The following USP50 variants were observed in gnomAD, a reference collection of about 807,000 sequenced individuals.
The protein encoded by USP50 is ubiquitin carboxyl-terminal hydrolase 50.
USP50 carries 37 observed loss-of-function variants against 39.2 expected under a neutral mutation model. The observed-to-expected ratio is 0.94, with a 90% confidence interval of 0.73 to 1.24. USP50 has a LOEUF of 1.24. Among genes scored for constraint, USP50 ranks in the 50% most tolerant of loss-of-function variants. The pLI is 0.00. For synonymous variants in USP50, 139 were observed against 144.5 expected, an observed-to-expected ratio of 0.96 and a Z score of 0.27; for missense variants, 374 against 398.2, an observed-to-expected ratio of 0.94 and a Z score of 0.52.
At chr15:50,528,186 C>T (rs2052914079) in intron 6 of USP50, among the ~76,000 whole-genome samples, 1 of 151,174 alleles carries the variant, frequency 6.6e-6, no homozygotes, top group Non-Finnish European at 1.5e-5. Flanking sequence ...GGATTACAGG[C>T]GTGAGCCACT....
intron 6 of USP50, chr15:50,510,444 G>T (rs1032924656): frequency 3.3e-5 from 5 of 151,686 alleles, no homozygotes; most frequent in Non-Finnish European, 7.4e-5. Flanking sequence ...ATTTTGGATG[G>T]ATTCTGGTCT....
At chr15:50,538,247 A>G (rs1204827176) in intron 5 of USP50, among the ~76,000 whole-genome samples, 25 of 139,934 alleles carry the variant, frequency 1.8e-4, no homozygotes, top group African/African-American at 7.0e-4. Flanking sequence ...ACTGCACTCC[A>G]GCCTGGCAAC....
At chr15:50,523,475 A>G (rs2052867015) in intron 6 of USP50, among the ~76,000 whole-genome samples, 1 of 152,096 alleles carries the variant, frequency 6.6e-6, no homozygotes, top group South Asian at 2.1e-4. Context: ...ATCCGGCTAC[A>G]GTGGCATTTC....
chr15:50,538,921 G>C, intron 4 of USP50, 70 bp from the exon 5 acceptor site: 1 of 1,485,680 alleles, frequency 6.7e-7, no homozygotes, highest in East Asian at 2.3e-5. Context: ...GTTTCTATTG[G>C]AACTTTGCAA....
intron 6 of USP50, among the ~76,000 whole-genome samples, chr15:50,525,532 G>GTATA (rs2052882409): frequency 1.1e-5 from 1 of 88,922 alleles, no homozygotes; most frequent in Non-Finnish European, 2.2e-5. Flanking sequence ...ATATGTATAT[G>GTATA]TATATGTATA....
At chr15:50,519,683 C>G (rs1283568120) in intron 6 of USP50, among the ~76,000 whole-genome samples, 1 of 151,708 alleles carries the variant, frequency 6.6e-6, no homozygotes, top group Non-Finnish European at 1.5e-5. Flanking sequence ...CCACTGCAGT[C>G]CAGCCTGGGC....
In USP50 at chr15:50,544,613, G is replaced by T; in HGVS notation, c.222C>A (p.Thr74=). 1 of 1,613,444 alleles carries T rather than the reference G, an allele frequency of 6.2e-7. No homozygotes were observed. Among genetic ancestry groups the T allele is most frequent in the Non-Finnish European group, 8.5e-7 (1 of 1,179,692 alleles). ...TTTGCAGAGCGGTGATATACTTCCC[G>T]GTGAGAAAGTATTCCACCAGCGGCA... ...SILPLVEYFL[T]GKYITALQND... Residue 74 remains threonine (T), a synonymous_variant, in exon 2 of 7, where the codon ACC becomes ACA. Coordinates refer to ENST00000532404, the MANE Select transcript of USP50 (RefSeq NM_203494.5).
intron 6 of USP50, chr15:50,514,374 A>T (rs2052780371): frequency 6.6e-6 from 1 of 152,100 alleles, no homozygotes; most frequent in African/African-American, 2.4e-5. Flanking sequence ...TGGTTTGTGT[A>T]CTTTTCTGTA....
intron 5 of USP50, among the ~76,000 whole-genome samples, chr15:50,530,384 C>A (rs909668526): frequency 6.6e-6 from 1 of 151,914 alleles, no homozygotes; most frequent in African/African-American, 2.4e-5. Flanking sequence ...GGAGTTAGAA[C>A]CAGCTTGGCC....
rs528692073 is a variant in USP50 at position 50,541,408 on chromosome 15, G to A, written c.445-144C>T. On this transcript the variant is annotated intron_variant, in intron 3 of 6. Transcript: ENST00000532404. ...CACATCTGTGGTGCCAGCTACTTGG[G>A]AGGTTGAGGTTGGAGGATCAGTTGA... 4.4e-5 allele frequency: 29 copies of A among 661,550 alleles called. No homozygotes were observed. In the South Asian group the frequency reaches 5.6e-4, roughly 13 times the overall value. The allele number at this position is 661,550 out of a possible 1,614,324, so 41.0% of individuals were successfully genotyped here.
chr15:50,498,503 TTAC>T, downstream of USP50: 19 of 1,424,236 alleles, frequency 1.3e-5, no homozygotes, highest in Non-Finnish European at 1.5e-5. Context: ...GAAATGGATT[TTAC>T]AGTCCTGGCT....
chr15:50,497,443 C>G, downstream of USP50: 1 of 401,528 alleles, frequency 2.5e-6, no homozygotes, highest in Non-Finnish European at 4.3e-6. Context: ...ACCACTATTT[C>G]ATGTAATTCC....
chr15:50,496,511 G>A (rs1323075905), downstream of USP50, among the ~76,000 whole-genome samples: 1 of 148,046 alleles, frequency 6.8e-6, no homozygotes, highest in East Asian at 2.0e-4. Context: ...CCTTTTATCA[G>A]TAAAACTCAA....
At chr15:50,519,237 A>G (rs2052828222) in intron 6 of USP50, among the ~76,000 whole-genome samples, 1 of 152,146 alleles carries the variant, frequency 6.6e-6, no homozygotes, top group Admixed American at 6.6e-5. Context: ...CAGTGAGCTG[A>G]GATCACATGA....
rs548064597 is a variant in USP50, at chr15:50,514,554, T to C, written c.937-13717A>G. The C allele has an allele frequency of 3.1e-3, 465 of 152,318 alleles. 2 individuals carry two copies. Among genetic ancestry groups the C allele is most frequent in the Non-Finnish European group, 4.7e-3 (321 of 68,148 alleles). 9.4% of individuals were successfully genotyped at this position (152,318 alleles called of 1,614,324 possible). On this transcript the variant is annotated intron_variant, in intron 6 of 6. Coordinates refer to ENST00000532404, the MANE Select transcript of USP50 (RefSeq NM_203494.5). Reference sequence around the variant, plus strand: ...TCTACAATTTTTTTTCTTTTTGAGATGGGAGTCTCGCTGTGTCACCAGGCT... The same window carrying C: ...TCTACAATTTTTTTTCTTTTTGAGACGGGAGTCTCGCTGTGTCACCAGGCT...
Position 50,538,935 on chromosome 15 carries a change from C to T in USP50, c.661-84G>A, listed in dbSNP as rs116264233. On this transcript the variant is annotated intron_variant, in intron 4 of 6. Coordinates refer to ENST00000532404, the MANE Select transcript of USP50 (RefSeq NM_203494.5). ...TGTTTCTATTGGAACTTTGCAAATG[C>T]CGTGGAAATGTAGTTCTCAGTGCTT... 2.6e-3 allele frequency: 3,755 copies of T among 1,424,108 alleles called. 77 individuals are homozygous for T. The African/African-American group carries it at 0.049, about 19-fold the overall frequency. 88.2% of individuals were successfully genotyped at this position (1,424,108 alleles called of 1,614,324 possible).
rs11292495 is a variant in USP50 at position 50,542,481 on chromosome 15, A to ATTT, written c.444+1114_444+1116dup. On this transcript the variant is annotated intron_variant, in intron 3 of 6. Transcript: ENST00000532404. ...GTTTTTGTTTTTTTTTTTCCTTTTC[A>ATTT]TTTTTTTTTTTTTTTTTTTTTCTTG... 6.1e-4 allele frequency among the ~76,000 whole-genome samples: 59 copies of ATTT among 97,396 alleles called. 1 individual carries two copies. Among genetic ancestry groups the ATTT allele is most frequent in the Non-Finnish European group, 8.1e-4 (42 of 51,570 alleles). 63.9% of individuals were successfully genotyped at this position (97,396 alleles called of 152,430 possible).
intron 6 of USP50, chr15:50,513,010 A>G (rs1466805226): frequency 6.6e-6 from 1 of 152,240 alleles, no homozygotes; most frequent in African/African-American, 2.4e-5. Flanking sequence ...ATAAGAAGAA[A>G]AATAACCCAG....
rs57802702 is a variant in USP50, at chr15:50,528,065, GTT to G, written c.936+1730_936+1731del. Among the ~76,000 whole-genome samples, 103 of 128,704 alleles carry G rather than the reference GTT, an allele frequency of 8.0e-4. 1 individual carries two copies. The highest frequency in any genetic ancestry group is 3.6e-3 in the Admixed American group (45 of 12,642). The allele number at this position is 128,704 out of a possible 152,430, so 84.4% of individuals were successfully genotyped here. On this transcript the variant is annotated intron_variant, in intron 6 of 6. Transcript: ENST00000532404. ...ATAGTTTGATTACTAAAAGAACTAA[GTT>G]TTTTTTTTTTTTTTTTTTTTAGAGA...
Sources: allele counts gnomAD v4.1 joint callset (sites outside exome capture counted in the v4.1 genomes callset), GRCh38; gene constraint gnomAD v4.1.1; transcripts MANE v1.5; gene names NCBI Gene and HGNC (gene_info 2026-07-23, HGNC 2026-07-21).